Variants in PLCB4 observed in about 807,000 individuals in gnomAD.
The protein encoded by PLCB4 is phospholipase C beta 4, also known as 1-phosphatidylinositol 4,5-bisphosphate phosphodiesterase beta-4.
Under a neutral mutation model 178.8 loss-of-function variants are expected in PLCB4, and 77 were observed. The ratio of observed to expected loss-of-function variants is 0.43; its 90% CI spans 0.36 to 0.52. The LOEUF (loss-of-function observed/expected upper bound fraction) is 0.52. PLCB4 is among the 20% of genes least tolerant of loss of function. The pLI, the probability that PLCB4 is intolerant of heterozygous loss-of-function variation, is 0.00. For synonymous variants in PLCB4, 496 were observed against 490.8 expected (o/e 1.01, Z -0.14); for missense variants, 1,024 against 1,453.4 (o/e 0.70, Z 4.80).
At chr20:9,083,632 G>C (rs59867941) in intron 1 of PLCB4, among the ~76,000 whole-genome samples, 73,923 of 151,758 alleles carry the variant, frequency 0.49, 18,481 homozygotes, top group Middle Eastern at 0.56. Context: ...GTATAATTAC[G>C]ACCATTCGAT....
chr20:9,312,353 T>TAC (rs34443371), intron 4 of PLCB4, among the ~76,000 whole-genome samples: 9,730 of 127,700 alleles, frequency 0.076, 402 homozygotes, highest in East Asian at 0.22. Flanking sequence ...CCTTCCACCC[T>TAC]ACACACACAC....
intron 2 of PLCB4, among the ~76,000 whole-genome samples, chr20:9,216,639 A>T (rs1355576105): frequency 6.7e-6 from 1 of 150,352 alleles, no homozygotes; most frequent in Non-Finnish European, 1.5e-5. Flanking sequence ...AGCTAGGATT[A>T]CAGGCACGCA....
intron 35 of PLCB4, among the ~76,000 whole-genome samples, chr20:9,464,492 G>C (rs1315362744): frequency 6.6e-6 from 1 of 152,066 alleles, no homozygotes; most frequent in Non-Finnish European, 1.5e-5. Context: ...GAATCCGGGA[G>C]CTGGTTTTTT....
chr20:9,295,417 C>A (rs1446987139), intron 3 of PLCB4, among the ~76,000 whole-genome samples: 1 of 152,080 alleles, frequency 6.6e-6, no homozygotes, highest in African/African-American at 2.4e-5. Flanking sequence ...TTACAAATAT[C>A]CCAGGGTGCT....
intron 2 of PLCB4, among the ~76,000 whole-genome samples, chr20:9,123,484 G>A (rs2146765433): frequency 6.9e-6 from 1 of 145,500 alleles, no homozygotes; most frequent in East Asian, 2.0e-4. Flanking sequence ...TCAATATTTT[G>A]TATGTGAAGA....
intron 6 of PLCB4, 40 bp downstream of exon 6, chr20:9,338,107 A>C (rs759941340): frequency 1.5e-6 from 2 of 1,363,402 alleles, no homozygotes; most frequent in East Asian, 4.6e-5. Flanking sequence ...ACACGGATTT[A>C]CTTATATTGG....
chr20:9,373,041 T>C lies in PLCB4; in HGVS notation c.687-6T>C. ...AACTTACTTTTTCTAATAAATTTCT[T>C]TTCAGCAATGGAGACAAAACTGATT... On this transcript the variant is annotated splice_region_variant and splice_polypyrimidine_tract_variant and intron_variant, in intron 11 of 39. Coordinates refer to ENST00000378473, the MANE Select transcript of PLCB4 (RefSeq NM_001377142.1). 7.1e-7 allele frequency: 1 copy of C among 1,409,132 alleles called. No homozygotes were observed. Among genetic ancestry groups the C allele is most frequent in the Non-Finnish European group, 1.0e-6 (1 of 996,706 alleles). 87.3% of individuals were successfully genotyped at this position (1,409,132 alleles called of 1,614,324 possible). A position where few individuals can be genotyped will look rare whatever the true frequency, so the allele number is the denominator to read the frequency against.
intron 30 of PLCB4, among the ~76,000 whole-genome samples, chr20:9,440,854 G>T (rs1008190672): frequency 6.6e-6 from 1 of 152,158 alleles, no homozygotes; most frequent in African/African-American, 2.4e-5. Context: ...GGAACAAGAT[G>T]AAAGTAAAAA....
chr20:9,367,709 C>T (rs1489844520), intron 9 of PLCB4, among the ~76,000 whole-genome samples: 1 of 152,204 alleles, frequency 6.6e-6, no homozygotes, highest in African/African-American at 2.4e-5. Flanking sequence ...GCACTTCTAA[C>T]CAGCAGTCTT....
intron 3 of PLCB4, among the ~76,000 whole-genome samples, chr20:9,293,839 A>T (rs2094605699): frequency 6.6e-6 from 1 of 152,172 alleles, no homozygotes; most frequent in African/African-American, 2.4e-5. Context: ...GTTTCTTTAA[A>T]TAATAACCAG....
chr20:9,194,283 T>C (rs373212052), intron 2 of PLCB4, among the ~76,000 whole-genome samples: 46 of 152,212 alleles, frequency 3.0e-4, no homozygotes, highest in African/African-American at 1.0e-3. Context: ...TGTTTAGATG[T>C]TTGTATTTTA....
At chr20:9,214,860 A>G (rs2093712105) in intron 2 of PLCB4, among the ~76,000 whole-genome samples, 1 of 152,198 alleles carries the variant, frequency 6.6e-6, no homozygotes, top group African/African-American at 2.4e-5. Context: ...ATGTTGCAAT[A>G]TCTTATATAT....
At chr20:9,071,551 T>C (rs1036056618) in intron 1 of PLCB4, among the ~76,000 whole-genome samples, 5 of 152,192 alleles carry the variant, frequency 3.3e-5, no homozygotes, top group African/African-American at 1.2e-4. Context: ...GCTTCTGAGT[T>C]TAGTGTCTGA....
chr20:9,295,776 C>T (rs1446418336), intron 3 of PLCB4, among the ~76,000 whole-genome samples: 2 of 152,098 alleles, frequency 1.3e-5, no homozygotes, highest in African/African-American at 4.8e-5. Context: ...TTCTGTTGGT[C>T]TACATCTCTG....
At chr20:9,431,935 TTAAC>T (rs2041446147) in intron 28 of PLCB4, among the ~76,000 whole-genome samples, 1 of 152,202 alleles carries the variant, frequency 6.6e-6, no homozygotes, top group Non-Finnish European at 1.5e-5. Flanking sequence ...GCTATATTAT[TTAAC>T]TAAACCATTA....
chr20:9,401,195 A>G (rs929778650), intron 19 of PLCB4, among the ~76,000 whole-genome samples: 2 of 152,204 alleles, frequency 1.3e-5, no homozygotes, highest in Non-Finnish European at 2.9e-5. Context: ...TAGAATTAGT[A>G]TACTAGAATA....
chr20:9,228,168 T>G (rs2093889670), intron 3 of PLCB4, among the ~76,000 whole-genome samples: 1 of 152,238 alleles, frequency 6.6e-6, no homozygotes. Flanking sequence ...CAGTGATAAC[T>G]AGACACTGTC....
rs771033935 is a variant in PLCB4 at position 9,421,402 on chromosome 20, A to G, written c.2260A>G (p.Met754Val). Residue 754 changes from methionine to valine, a missense_variant, in exon 27 of 40, where the codon ATG becomes GTG. This residue lies in a region of PLCB4 where 227 missense variants were observed against 374.3 expected (regional missense o/e 0.61). Coordinates refer to ENST00000378473, the MANE Select transcript of PLCB4 (RefSeq NM_001377142.1). ...CATACGTAAGGAATTCCGAACTCGC[A>G]TGGTTATGAATAATGGACTCAATCC... ...DTIRKEFRTR[M>V]VMNNGLNPVY... The G allele has an allele frequency of 1.9e-6, 3 of 1,613,968 alleles. No individual in the cohort carries two copies. The highest frequency in any genetic ancestry group is 2.5e-6 in the Non-Finnish European group (3 of 1,179,882).
intron 2 of PLCB4, among the ~76,000 whole-genome samples, chr20:9,183,301 G>A (rs573903564): frequency 7.9e-5 from 12 of 152,164 alleles, no homozygotes; most frequent in African/African-American, 2.4e-4. Context: ...ACTACACAAC[G>A]GCCACATTTC....
Sources: allele counts gnomAD v4.1 joint callset (sites outside exome capture counted in the v4.1 genomes callset), GRCh38; gene constraint gnomAD v4.1.1; regional missense constraint gnomAD v4.1.1; transcripts MANE v1.5; gene names NCBI Gene and HGNC (gene_info 2026-07-23, HGNC 2026-07-21).